RHEX: variants seen among roughly 807,000 people sequenced by gnomAD.
RHEX encodes regulator of hemoglobinization and erythroid cell expansion.
Under a neutral mutation model 20.1 loss-of-function variants are expected in RHEX, and 18 were observed. The ratio of observed to expected loss-of-function variants is 0.90; its 90% CI spans 0.62 to 1.33. The LOEUF is 1.33. RHEX is among the 40% of genes most tolerant of loss of function. The pLI, the probability that RHEX is intolerant of heterozygous loss-of-function variation, is 0.00. For synonymous variants in RHEX, 87 were observed against 77.1 expected (o/e 1.13, Z -0.67); for missense variants, 192 against 214.3 (o/e 0.90, Z 0.65).
intron 1 of RHEX, among the ~76,000 whole-genome samples, chr1:206,055,685 C>T (rs1011133673): frequency 6.6e-6 from 1 of 152,256 alleles, no homozygotes; most frequent in Non-Finnish European, 1.5e-5. Flanking sequence ...CTATTACACC[C>T]AACAGCAATG....
At chr1:206,096,469 C>T (rs1337714686) in intron 1 of RHEX, among the ~76,000 whole-genome samples, 1 of 152,228 alleles carries the variant, frequency 6.6e-6, no homozygotes, top group Non-Finnish European at 1.5e-5. Context: ...TTTCACGATA[C>T]AATAAAGCTC....
intron 1 of RHEX, among the ~76,000 whole-genome samples, chr1:206,096,785 T>TG (rs797038857): frequency 2.5e-3 from 373 of 147,574 alleles, no homozygotes; most frequent in South Asian, 0.014. Flanking sequence ...TTTTTGGTTT[T>TG]TTTTTTTGAG....
At chr1:206,061,978 GA>G (rs1662318722) in intron 1 of RHEX, 2 of 151,974 alleles carry the variant, frequency 1.3e-5, no homozygotes, top group South Asian at 4.2e-4. Context: ...TTGGGAGGCT[GA>G]GGCAGGCAGA....
At chr1:206,086,056 C>T (rs566503119) in intron 1 of RHEX, among the ~76,000 whole-genome samples, 5 of 152,294 alleles carry the variant, frequency 3.3e-5, no homozygotes, top group African/African-American at 1.2e-4. Flanking sequence ...TGGCACACTC[C>T]ATCCCTCCCT....
At chr1:206,059,121 G>A (rs1553282999) in intron 1 of RHEX, among the ~76,000 whole-genome samples, 1 of 152,058 alleles carries the variant, frequency 6.6e-6, no homozygotes, top group South Asian at 2.1e-4. Flanking sequence ...ATTGCTCAGG[G>A]TTTAGGTGTG....
chr1:206,075,055 G>C (rs550066151), intron 1 of RHEX, among the ~76,000 whole-genome samples: 1 of 152,206 alleles, frequency 6.6e-6, no homozygotes, highest in South Asian at 2.1e-4. Context: ...ATATATTGTT[G>C]AAAATGTCCA....
chr1:206,095,346 T>C (rs1663042395), intron 1 of RHEX, among the ~76,000 whole-genome samples: 1 of 152,022 alleles, frequency 6.6e-6, no homozygotes, highest in Admixed American at 6.6e-5. Flanking sequence ...GGGGAGGTTT[T>C]TCCTGACCAA....
At position 206,054,927 on chromosome 1, in the gene RHEX, A is replaced by C. The variant is rs538646609; in HGVS notation, c.-97+1662A>C. ...AGGATCATAAAAGTTAAAGACTTAA[A>C]ACAAACTTTGGCAATTAAGACAGCA... is the stretch of plus-strand genomic sequence containing the variant. On this transcript the variant is annotated intron_variant, in intron 1 of 5. Coordinates refer to ENST00000331555, the MANE Select transcript of RHEX (RefSeq NM_001007544.4). Among the ~76,000 whole-genome samples, 9 of 152,406 alleles carry C rather than the reference A, an allele frequency of 5.9e-5. 1 individual carries two copies. Among genetic ancestry groups the C allele is most frequent in the African/African-American group, 1.9e-4 (8 of 41,596 alleles).
chr1:206,094,933 T>A (rs1365301034), intron 1 of RHEX, among the ~76,000 whole-genome samples: 1 of 152,122 alleles, frequency 6.6e-6, no homozygotes, highest in Non-Finnish European at 1.5e-5. Context: ...TATATCAAAT[T>A]CAGTGATTCT....
At chr1:206,098,753 T>C (rs1663127591) in intron 3 of RHEX, among the ~76,000 whole-genome samples, 1 of 152,230 alleles carries the variant, frequency 6.6e-6, no homozygotes, top group Non-Finnish European at 1.5e-5. Context: ...TTCATTCATT[T>C]GTTCATTCAT....
chr1:206,097,588 G>T, intron 1 of RHEX, 145 bp from the exon 2 acceptor site: 2 of 591,412 alleles, frequency 3.4e-6, no homozygotes, highest in Admixed American at 2.9e-5. Flanking sequence ...TGTCTAGAAT[G>T]TATCATGTAG....
intron 1 of RHEX, among the ~76,000 whole-genome samples, chr1:206,063,604 G>A (rs1428135565): frequency 1.3e-5 from 2 of 149,198 alleles, no homozygotes; most frequent in Non-Finnish European, 2.9e-5. Context: ...GTGTTGGCCG[G>A]GCTGGTCTCC....
chr1:206,092,748 C>T (rs1662983879), intron 1 of RHEX, among the ~76,000 whole-genome samples: 1 of 151,650 alleles, frequency 6.6e-6, no homozygotes, highest in South Asian at 2.1e-4. Context: ...ATTAATAGTC[C>T]CTATATTATT....
Position 206,097,800 on chromosome 1 carries a change from A to G in RHEX, c.-29A>G, listed in dbSNP as rs1663104145. Reference sequence around the variant, plus strand: ...CCAGGGTGGTTCCTGAAAGTGCCTGAGCCCCAACTTATCAGCAAGGAGCTC... The same window carrying G: ...CCAGGGTGGTTCCTGAAAGTGCCTGGGCCCCAACTTATCAGCAAGGAGCTC... On this transcript the variant is annotated 5_prime_UTR_variant, in exon 2 of 6. Coordinates refer to ENST00000331555, the MANE Select transcript of RHEX (RefSeq NM_001007544.4). The G allele has an allele frequency of 1.2e-6, 2 of 1,613,932 alleles. No individual in the cohort carries two copies. Among genetic ancestry groups the G allele is most frequent in the African/African-American group, 1.3e-5 (1 of 74,922 alleles).
intron 1 of RHEX, among the ~76,000 whole-genome samples, chr1:206,065,281 A>C (rs1553284069): frequency 6.6e-6 from 1 of 152,126 alleles, no homozygotes; most frequent in Non-Finnish European, 1.5e-5. Flanking sequence ...AATTAAAAAA[A>C]AAAAAAAGAT....
intron 1 of RHEX, chr1:206,083,503 G>A (rs56957747): frequency 7.1e-6 from 7 of 985,250 alleles, no homozygotes; most frequent in Admixed American, 6.2e-5. Context: ...CAGTGCTCCC[G>A]CCTTGTTGGA....
At chr1:206,094,210 C>T (rs764213191) in intron 1 of RHEX, among the ~76,000 whole-genome samples, 6 of 151,532 alleles carry the variant, frequency 4.0e-5, no homozygotes, top group Admixed American at 3.3e-4. Context: ...CACGTGCACG[C>T]GCAAATGAGC....
chr1:206,100,685 A>G (rs1663168984), intron 4 of RHEX, among the ~76,000 whole-genome samples: 1 of 152,160 alleles, frequency 6.6e-6, no homozygotes. Flanking sequence ...CCAGGGCACA[A>G]AAAGAGATGT....
At chr1:206,084,776 G>A (rs371349835) in intron 1 of RHEX, among the ~76,000 whole-genome samples, 3 of 152,134 alleles carry the variant, frequency 2.0e-5, no homozygotes, top group African/African-American at 4.8e-5. Flanking sequence ...AAATTGTTAC[G>A]AATTTAAAGA....
Sources: allele counts gnomAD v4.1 joint callset (sites outside exome capture counted in the v4.1 genomes callset), GRCh38; gene constraint gnomAD v4.1.1; transcripts MANE v1.5; gene names NCBI Gene and HGNC (gene_info 2026-07-23, HGNC 2026-07-21).